RYR3: variants seen among roughly 807,000 people sequenced by gnomAD.
The protein encoded by RYR3 is ryanodine receptor 3, also known as brain ryanodine receptor-calcium release channel.
RYR3 carries 207 observed loss-of-function variants against 584.3 expected under a neutral mutation model. The observed-to-expected ratio is 0.35, with a 90% confidence interval of 0.32 to 0.40. The LOEUF (loss-of-function observed/expected upper bound fraction) is 0.40, where lower values mean the gene tolerates loss of function less well. Ranked by LOEUF, RYR3 falls within the 10% of genes least tolerant of loss-of-function variation. The pLI, the probability that RYR3 is intolerant of heterozygous loss-of-function variation, is 1.00. For missense variants in RYR3, 5,616 were observed against 6,089.2 expected (o/e 0.92, Z 2.59); for synonymous variants, 2,416 against 2,248.5 (o/e 1.07, Z -2.11).
intron 6 of RYR3, among the ~76,000 whole-genome samples, chr15:33,540,541 A>G (rs1422895061): frequency 1.3e-5 from 2 of 152,186 alleles, no homozygotes; most frequent in Non-Finnish European, 2.9e-5. Flanking sequence ...GTGTTGAATC[A>G]GCTCCAGCTG....
At chr15:33,635,891 T>G in intron 26 of RYR3, 72 bp downstream of exon 26, 1 of 1,316,954 alleles carries the variant, frequency 7.6e-7, no homozygotes, top group Non-Finnish European at 1.1e-6. Flanking sequence ...TTCTGGAAGC[T>G]CAAATTACTG....
At chr15:33,649,326 A>G in intron 31 of RYR3, 91 bp downstream of exon 31, 1 of 1,253,646 alleles carries the variant, frequency 8.0e-7, no homozygotes, top group South Asian at 1.4e-5. Flanking sequence ...CAAAGAAGGA[A>G]ACATCTTGGC....
intron 1 of RYR3, among the ~76,000 whole-genome samples, chr15:33,331,726 G>T (rs1337904221): frequency 6.6e-6 from 1 of 151,830 alleles, no homozygotes; most frequent in Admixed American, 6.6e-5. Context: ...AATAAAAATG[G>T]TCATAAAAAG....
At chr15:33,857,351 CCTCT>C (rs1430310828) in intron 98 of RYR3, among the ~76,000 whole-genome samples, 7 of 151,952 alleles carry the variant, frequency 4.6e-5, no homozygotes, top group African/African-American at 9.7e-5. Flanking sequence ...CTGTGTCTAG[CCTCT>C]CTCTCTGTGT....
At chr15:33,498,458 C>T in intron 2 of RYR3, among the ~76,000 whole-genome samples, 1 of 152,068 alleles carries the variant, frequency 6.6e-6, no homozygotes, top group East Asian at 1.9e-4. Context: ...ATACCTATTG[C>T]CCACTTCTGT....
At chr15:33,586,224 A>G in intron 16 of RYR3, 108 bp downstream of exon 16, 1 of 718,440 alleles carries the variant, frequency 1.4e-6, no homozygotes, top group Non-Finnish European at 2.4e-6. Flanking sequence ...CTTGACTTTG[A>G]TAAAAATCTT....
intron 1 of RYR3, among the ~76,000 whole-genome samples, chr15:33,326,530 G>A (rs540547548): frequency 5.3e-5 from 8 of 152,300 alleles, no homozygotes; most frequent in Non-Finnish European, 1.0e-4. Context: ...AGTCAGGGAA[G>A]ATTTGAAAAG....
At chr15:33,784,593 G>T (rs1400805339) in intron 65 of RYR3, among the ~76,000 whole-genome samples, 2 of 152,222 alleles carry the variant, frequency 1.3e-5, no homozygotes, top group Non-Finnish European at 2.9e-5. Context: ...AGCTCCTTCA[G>T]TGCCGGATGT....
rs1201963780 is a variant in RYR3, at chr15:33,795,380, C to CTTTTTTTTTTTTT, written c.9831-5380_9831-5368dup. Among the ~76,000 whole-genome samples the CTTTTTTTTTTTTT allele has an allele frequency of 3.1e-4, 29 of 92,466 alleles. 1 individual carries two copies. The highest frequency in any genetic ancestry group is 1.1e-3 in the African/African-American group (25 of 22,786). The allele number at this position is 92,466 out of a possible 152,430, so 60.7% of individuals were successfully genotyped here. A position where few individuals can be genotyped will look rare whatever the true frequency, so the allele number is the denominator to read the frequency against. On this transcript the variant is annotated intron_variant, in intron 67 of 103. Coordinates refer to ENST00000634891, the MANE Select transcript of RYR3 (RefSeq NM_001036.6). The stretch of plus-strand genomic sequence containing the variant: ...AGTATTAAACAAGTCTTTTTCTTTT[C>CTTTTTTTTTTTTT]TTTTTTTTTTTTTTTTTTTTTTGTG...
At chr15:33,610,788 TTA>T (rs1026926684) in intron 18 of RYR3, among the ~76,000 whole-genome samples, 61 of 152,198 alleles carry the variant, frequency 4.0e-4, no homozygotes, top group Non-Finnish European at 6.5e-4. Flanking sequence ...CAAAATTCCT[TTA>T]TGTTTCATAA....
chr15:33,727,716 C>T (rs761216693), intron 46 of RYR3, among the ~76,000 whole-genome samples: 23 of 152,138 alleles, frequency 1.5e-4, no homozygotes, highest in Admixed American at 7.2e-4. Flanking sequence ...TGGGCTGGCT[C>T]GGACTTAATT....
intron 1 of RYR3, among the ~76,000 whole-genome samples, chr15:33,349,706 C>T (rs866744516): frequency 6.7e-6 from 1 of 149,414 alleles, no homozygotes; most frequent in African/African-American, 2.5e-5. Flanking sequence ...AACTCGTCAT[C>T]TAGCATTAGG....
chr15:33,679,675 C>A (rs28408314), intron 38 of RYR3, among the ~76,000 whole-genome samples: 1 of 152,080 alleles, frequency 6.6e-6, no homozygotes, highest in African/African-American at 2.4e-5. Context: ...AGAACTAGAA[C>A]AAAGGACTCT....
intron 57 of RYR3, among the ~76,000 whole-genome samples, chr15:33,750,912 C>T (rs1209897907): frequency 3.3e-5 from 5 of 152,122 alleles, no homozygotes; most frequent in South Asian, 2.1e-4. Context: ...TGATGTTCCC[C>T]GCCCTGTGTC....
intron 52 of RYR3, among the ~76,000 whole-genome samples, chr15:33,745,737 CTG>C (rs1437355771): frequency 6.6e-6 from 1 of 152,196 alleles, no homozygotes; most frequent in Non-Finnish European, 1.5e-5. Flanking sequence ...GTCCTAGCCT[CTG>C]TTCTTCCTGC....
At chr15:33,753,434 A>G (rs2071517847) in intron 57 of RYR3, among the ~76,000 whole-genome samples, 1 of 152,196 alleles carries the variant, frequency 6.6e-6, no homozygotes, top group Non-Finnish European at 1.5e-5. Flanking sequence ...ATAGGATGGC[A>G]TTGGCTGCTT....
chr15:33,734,946 C>T (rs1353908381), intron 48 of RYR3, among the ~76,000 whole-genome samples: 2 of 152,212 alleles, frequency 1.3e-5, no homozygotes, highest in East Asian at 3.9e-4. Flanking sequence ...CCACCTTGAT[C>T]TCTCGAAGTG....
Position 33,694,861 on chromosome 15 carries a change from G to A in RYR3, c.5861-1357G>A, listed in dbSNP as rs1044690110. ...GTGTCCCATCTGAATCTAACACACCGACAGGGTTGATAGACACAGCAGTAA... is the reference window on the plus strand; with the variant it reads ...GTGTCCCATCTGAATCTAACACACCAACAGGGTTGATAGACACAGCAGTAA... On this transcript the variant is annotated intron_variant, in intron 38 of 103. Coordinates refer to ENST00000634891, the MANE Select transcript of RYR3 (RefSeq NM_001036.6). Among the ~76,000 whole-genome samples, 11 of 152,290 alleles carry A rather than the reference G, an allele frequency of 7.2e-5. 2 individuals are homozygous for A. The highest frequency in any genetic ancestry group is 4.1e-4 in the South Asian group (2 of 4,832).
chr15:33,753,773 C>T (rs1380099928), intron 57 of RYR3, among the ~76,000 whole-genome samples: 1 of 152,098 alleles, frequency 6.6e-6, no homozygotes, highest in Non-Finnish European at 1.5e-5. Flanking sequence ...GGGAAGCATT[C>T]GAGAAAGACT....
Sources: allele counts gnomAD v4.1 joint callset (sites outside exome capture counted in the v4.1 genomes callset), GRCh38; gene constraint gnomAD v4.1.1; transcripts MANE v1.5; gene names NCBI Gene and HGNC (gene_info 2026-07-23, HGNC 2026-07-21).